Variants in TSC22D1 observed in about 807,000 individuals in gnomAD.
The protein encoded by TSC22D1 is TSC22 domain family member 1.
A neutral mutation model predicts 74.2 loss-of-function variants in TSC22D1; 9 were observed. The ratio of observed to expected loss-of-function variants is 0.12; its 90% confidence interval spans 0.07 to 0.21. TSC22D1 has a LOEUF of 0.21. Among genes scored for constraint, TSC22D1 ranks in the 10% least tolerant of loss-of-function variants. TSC22D1 has a pLI of 1.00. For missense variants in TSC22D1, 1,427 were observed against 1,304.7 expected (o/e 1.09, Z -1.44); for synonymous variants, 586 against 492.5 (o/e 1.19, Z -2.51).
At chr13:44,523,959 G>C (rs932910771) in intron 1 of TSC22D1, among the ~76,000 whole-genome samples, 1 of 152,058 alleles carries the variant, frequency 6.6e-6, no homozygotes, top group Non-Finnish European at 1.5e-5. Context: ...CAAAATATAA[G>C]AGATAGACCC....
At chr13:44,440,136 GA>G (rs1183767056) in intron 1 of TSC22D1, among the ~76,000 whole-genome samples, 3 of 152,194 alleles carry the variant, frequency 2.0e-5, no homozygotes, top group African/African-American at 7.2e-5. Flanking sequence ...GTGAATGGCA[GA>G]AAAACAACAA....
At chr13:44,469,430 A>G (rs1400604365) in intron 1 of TSC22D1, among the ~76,000 whole-genome samples, 1 of 152,056 alleles carries the variant, frequency 6.6e-6, no homozygotes, top group African/African-American at 2.4e-5. Context: ...ACTACTTCAA[A>G]TGAGCTGCTT....
At chr13:44,456,173 G>A (rs555196460) in intron 1 of TSC22D1, among the ~76,000 whole-genome samples, 4 of 152,172 alleles carry the variant, frequency 2.6e-5, no homozygotes, top group South Asian at 2.1e-4. Context: ...AGGTAGTGCA[G>A]ACCCAAAAAG....
chr13:44,458,607 C>G (rs9533858), intron 1 of TSC22D1, among the ~76,000 whole-genome samples: 11,393 of 152,132 alleles, frequency 0.075, 555 homozygotes, highest in Non-Finnish European at 0.1. Flanking sequence ...CCCAGCCGTA[C>G]CTCCAGACCT....
At chr13:44,446,931 TA>T (rs1355212835) in intron 1 of TSC22D1, among the ~76,000 whole-genome samples, 1 of 152,090 alleles carries the variant, frequency 6.6e-6, no homozygotes, top group African/African-American at 2.4e-5. Context: ...TTTATTGTAG[TA>T]AAAAACACAT....
chr13:44,487,272 G>A (rs1421084385), intron 1 of TSC22D1, among the ~76,000 whole-genome samples: 4 of 152,034 alleles, frequency 2.6e-5, no homozygotes, highest in Admixed American at 2.0e-4. Context: ...GCCAAGGCAG[G>A]TGGATCACCT....
intron 1 of TSC22D1, among the ~76,000 whole-genome samples, chr13:44,561,056 C>T (rs1015182749): frequency 6.6e-5 from 10 of 152,116 alleles, no homozygotes; most frequent in African/African-American, 9.7e-5. Flanking sequence ...AAATACCCCC[C>T]GGGGCGTCGG....
At chr13:44,465,746 G>C (rs1362808990) in intron 1 of TSC22D1, among the ~76,000 whole-genome samples, 1 of 152,170 alleles carries the variant, frequency 6.6e-6, no homozygotes, top group Admixed American at 6.5e-5. Context: ...GCCGAGGCGA[G>C]TGGATCACCT....
At chr13:44,456,267 T>C (rs1876636520) in intron 1 of TSC22D1, among the ~76,000 whole-genome samples, 1 of 152,224 alleles carries the variant, frequency 6.6e-6, no homozygotes, top group African/African-American at 2.4e-5. Flanking sequence ...TTGCTGCTGC[T>C]GGCTGGAGTA....
At chr13:44,474,215 C>T in intron 1 of TSC22D1, 1 of 984,540 alleles carries the variant, frequency 1.0e-6, no homozygotes, top group Non-Finnish European at 1.2e-6. Flanking sequence ...GTGAGGTACT[C>T]ACAGCAGGAT....
chr13:44,435,684 AAAT>A, intron 2 of TSC22D1: 2 of 291,582 alleles, frequency 6.9e-6, no homozygotes, highest in Non-Finnish European at 1.3e-5. Context: ...CTCCCTAGTA[AAAT>A]ATTAGGATTC....
At position 44,574,445 on chromosome 13, in the gene TSC22D1, T is replaced by C; in HGVS notation, c.1630A>G (p.Ile544Val). 6.2e-7 allele frequency: 1 copy of C among 1,614,234 alleles called. No individual in the cohort carries two copies. The highest frequency in any genetic ancestry group is 8.5e-7 in the Non-Finnish European group (1 of 1,180,034). The change falls in exon 1 of 3, where the codon ATC becomes GTC. Residue 544 changes from isoleucine (I) to valine (V), a missense_variant. Coordinates refer to ENST00000458659, the MANE Select transcript of TSC22D1 (RefSeq NM_183422.4). Reference protein sequence around the residue: ...SIPQSISQSQISQVQLQSQEL... With the variant: ...SIPQSISQSQVSQVQLQSQEL... ...TGAGACTGTAATTGTACTTGTGAGA[T>C]CTGTGACTGAGAAATACTCTGTGGT...
intron 1 of TSC22D1, among the ~76,000 whole-genome samples, chr13:44,532,561 C>G (rs1398231509): frequency 2.0e-5 from 3 of 152,160 alleles, no homozygotes; most frequent in Non-Finnish European, 4.4e-5. Context: ...GCAAGCTCCG[C>G]CTCCCAGGTC....
At chr13:44,554,630 CAAAAAAAAAAAAAAA>C (rs59922380) in intron 1 of TSC22D1, among the ~76,000 whole-genome samples, 1 of 68,616 alleles carries the variant, frequency 1.5e-5, no homozygotes. Flanking sequence ...ATACCAGGAA[CAAAAAAAAAAAAAAA>C]AAAAAAAAAG....
At chr13:44,514,926 C>T (rs1320258769) in intron 1 of TSC22D1, among the ~76,000 whole-genome samples, 1 of 152,004 alleles carries the variant, frequency 6.6e-6, no homozygotes, top group Non-Finnish European at 1.5e-5. Context: ...ATTAAAATTA[C>T]TCTGAGATAC....
In TSC22D1 at chr13:44,544,356, C is replaced by CAAA. The variant is rs796430706; in HGVS notation, c.2912+28804_2912+28806dup. ...CTTACCCGATAACAAAACAAAAAGG[C>CAAA]AAAAAAAAAAAACCCACCCAAGTTC... On this transcript the variant is annotated intron_variant, in intron 1 of 2. Transcript: ENST00000458659. 1.8e-3 allele frequency among the ~76,000 whole-genome samples: 233 copies of CAAA among 127,964 alleles called. 1 individual carries two copies. Among genetic ancestry groups the CAAA allele is most frequent in the African/African-American group, 6.3e-3 (219 of 34,844 alleles). 83.9% of individuals were successfully genotyped at this position (127,964 alleles called of 152,430 possible).
At chr13:44,443,269 T>C (rs552990433) in intron 1 of TSC22D1, among the ~76,000 whole-genome samples, 1 of 150,930 alleles carries the variant, frequency 6.6e-6, no homozygotes, top group East Asian at 2.0e-4. Context: ...TTGGAAACAA[T>C]GCTAGCCAGA....
chr13:44,514,937 A>G (rs1431792597), intron 1 of TSC22D1, among the ~76,000 whole-genome samples: 2 of 152,190 alleles, frequency 1.3e-5, no homozygotes, highest in African/African-American at 2.4e-5. Flanking sequence ...TCTGAGATAC[A>G]GTATTAACCT....
intron 1 of TSC22D1, among the ~76,000 whole-genome samples, chr13:44,533,801 C>T (rs1172151472): frequency 6.6e-6 from 1 of 151,972 alleles, no homozygotes; most frequent in East Asian, 1.9e-4. Flanking sequence ...AACAAACAAA[C>T]AAACAAAAAT....
Sources: gnomAD v4.1 joint callset for allele counts (sites outside exome capture counted in the v4.1 genomes callset) on GRCh38, gnomAD v4.1.1 for gene constraint, MANE v1.5 for transcripts, NCBI Gene and HGNC (gene_info 2026-07-23, HGNC 2026-07-21) for gene names.